The following LARGE1 variants were observed in gnomAD, a reference collection of about 807,000 sequenced individuals.
The protein encoded by LARGE1 is xylosyl- and glucuronyltransferase LARGE1.
Under a neutral mutation model 87.6 loss-of-function variants are expected in LARGE1, and 43 were observed. The ratio of observed to expected loss-of-function variants is 0.49; its 90% confidence interval spans 0.38 to 0.63. The LOEUF is 0.63. Ranked by LOEUF, LARGE1 falls within the 30% of genes least tolerant of loss-of-function variation. LARGE1 has a pLI of 0.00. For missense variants in LARGE1, 802 were observed against 1,000.2 expected (o/e 0.80, Z 2.67); for synonymous variants, 434 against 394.6 (o/e 1.10, Z -1.18).
intron 6 of LARGE1, among the ~76,000 whole-genome samples, chr22:33,547,974 A>T (rs1012731544): frequency 5.3e-5 from 8 of 152,162 alleles, no homozygotes; most frequent in Non-Finnish European, 1.2e-4. Context: ...TAAAGAGTCC[A>T]TCACTGCCGA....
chr22:33,902,061 G>A (rs918542053), intron 1 of LARGE1, among the ~76,000 whole-genome samples: 4 of 152,304 alleles, frequency 2.6e-5, no homozygotes, highest in East Asian at 3.9e-4. Flanking sequence ...AAAGTGGAAC[G>A]ATGAACAGGT....
Position 33,274,283 on chromosome 22 carries a change from T to C in LARGE1, c.*144A>G, listed in dbSNP as rs1436235973. 1.2e-6 allele frequency: 1 copy of C among 822,562 alleles called. No homozygotes were observed. Among genetic ancestry groups the C allele is most frequent in the African/African-American group, 1.7e-5 (1 of 60,038 alleles). The allele number at this position is 822,562 out of a possible 1,614,324, so 51.0% of individuals were successfully genotyped here. On this transcript the variant is annotated 3_prime_UTR_variant, in exon 15 of 15. Transcript: ENST00000397394. ...GGATCCTTGTCCAAGGTCTCTGTAG[T>C]GAGGGCAGCTTGGCTGGGCCAAAGA...
chr22:33,129,728 C>A, the LARGE1 span, among the ~76,000 whole-genome samples: 23 of 152,078 alleles, frequency 1.5e-4, 1 homozygote, highest in Admixed American at 2.6e-4. Context: ...GAAGCAGGCA[C>A]CTTCTTGACA....
At chr22:33,264,255 G>A (rs188079780) in intron 11 of LARGE1, among the ~76,000 whole-genome samples, 3 of 152,356 alleles carry the variant, frequency 2.0e-5, no homozygotes, top group African/African-American at 7.2e-5. Flanking sequence ...ATTTAACCGT[G>A]AAGGTAAAGG....
chr22:33,503,267 T>C (rs1481282175), intron 6 of LARGE1, among the ~76,000 whole-genome samples: 1 of 151,136 alleles, frequency 6.6e-6, no homozygotes, highest in African/African-American at 2.4e-5. Context: ...TTGTTTTTTT[T>C]TTTGTTTGAG....
At chr22:33,330,268 A>G (rs189033135) in intron 10 of LARGE1, among the ~76,000 whole-genome samples, 1 of 152,298 alleles carries the variant, frequency 6.6e-6, no homozygotes, top group East Asian at 1.9e-4. Context: ...TGATTATCCA[A>G]CTATGTTCTG....
At chr22:33,412,405 T>A (rs1601749548) in intron 7 of LARGE1, among the ~76,000 whole-genome samples, 1 of 152,026 alleles carries the variant, frequency 6.6e-6, no homozygotes, top group South Asian at 2.1e-4. Flanking sequence ...CATTTCCAGG[T>A]TGCAATAGTC....
At chr22:33,293,751 G>C (rs1167481994) in intron 12 of LARGE1, among the ~76,000 whole-genome samples, 2 of 152,188 alleles carry the variant, frequency 1.3e-5, no homozygotes, top group Non-Finnish European at 2.9e-5. Context: ...AGAGTATTAT[G>C]AGATTGGGAA....
rs375066238 is a variant in LARGE1, at chr22:33,170,888, A to G, written c.1731-4056T>C. Reference sequence around the variant, plus strand: ...CTGGGTAACAGACAGCGGTTGGAACAGTTAGGAGGGCTCAGAAGAAGACAG... The same window carrying G: ...CTGGGTAACAGACAGCGGTTGGAACGGTTAGGAGGGCTCAGAAGAAGACAG... On this transcript the variant is annotated intron_variant, in intron 11 of 11. Transcript: ENST00000608642. Among the ~76,000 whole-genome samples, 15 of 152,316 alleles carry G rather than the reference A, an allele frequency of 9.8e-5. No homozygotes were observed. In the South Asian group the frequency reaches 2.1e-3, roughly 21 times the overall value.
intron 4 of LARGE1, among the ~76,000 whole-genome samples, chr22:33,604,910 A>T (rs1274590725): frequency 1.3e-5 from 2 of 152,032 alleles, no homozygotes; most frequent in Non-Finnish European, 2.9e-5. Flanking sequence ...TATCTGACTT[A>T]TCAGCCTTAA....
chr22:33,128,968 C>T, the LARGE1 span, among the ~76,000 whole-genome samples: 3 of 152,162 alleles, frequency 2.0e-5, no homozygotes, highest in Non-Finnish European at 4.4e-5. Context: ...GGAAAAATAG[C>T]TAATGTGTGC....
At chr22:33,528,222 T>C (rs374001475) in intron 6 of LARGE1, among the ~76,000 whole-genome samples, 14 of 152,138 alleles carry the variant, frequency 9.2e-5, no homozygotes, top group African/African-American at 3.1e-4. Flanking sequence ...GTTCATAAAT[T>C]TGGAAAGGAG....
At chr22:33,436,550 G>A (rs1336331835) in intron 6 of LARGE1, 3 of 154,248 alleles carry the variant, frequency 1.9e-5, no homozygotes, top group African/African-American at 7.2e-5. Flanking sequence ...TCTAGAAGGA[G>A]GGATTTCTTG....
intron 11 of LARGE1, among the ~76,000 whole-genome samples, chr22:33,212,032 T>G (rs1924990407): frequency 6.6e-6 from 1 of 152,122 alleles, no homozygotes; most frequent in South Asian, 2.1e-4. Flanking sequence ...AAAGAAGTTG[T>G]CTCCATAACA....
At chr22:33,720,204 G>C (rs1460200992) in intron 2 of LARGE1, among the ~76,000 whole-genome samples, 12 of 152,156 alleles carry the variant, frequency 7.9e-5, no homozygotes, top group Admixed American at 7.9e-4. Flanking sequence ...GGGGTGATGG[G>C]AGACAGTGAC....
the LARGE1 span, among the ~76,000 whole-genome samples, chr22:33,097,729 G>A: frequency 1.3e-5 from 2 of 152,122 alleles, no homozygotes; most frequent in African/African-American, 4.8e-5. Context: ...TAACAGTTGA[G>A]GTCAAATAAG....
At chr22:33,416,284 C>T (rs1451292502) in intron 7 of LARGE1, among the ~76,000 whole-genome samples, 2 of 152,202 alleles carry the variant, frequency 1.3e-5, no homozygotes, top group Admixed American at 1.3e-4. Flanking sequence ...GCTGCTCTGG[C>T]CATCCCAAGT....
chr22:33,701,388 C>T (rs868091656), intron 2 of LARGE1, among the ~76,000 whole-genome samples: 1 of 152,160 alleles, frequency 6.6e-6, no homozygotes, highest in South Asian at 2.1e-4. Context: ...CAATTAGTCT[C>T]GGCAGCGCGT....
At chr22:33,412,902 C>T (rs2066358486) in intron 7 of LARGE1, among the ~76,000 whole-genome samples, 1 of 152,208 alleles carries the variant, frequency 6.6e-6, no homozygotes, top group Admixed American at 6.5e-5. Flanking sequence ...CTCAGGTGAT[C>T]TACCCGCCTT....
Sources: gnomAD v4.1 joint callset for allele counts (sites outside exome capture counted in the v4.1 genomes callset) on GRCh38, gnomAD v4.1.1 for gene constraint, MANE v1.5 for transcripts, NCBI Gene and HGNC (gene_info 2026-07-23, HGNC 2026-07-21) for gene names.